Variants in GNAQ observed in about 807,000 individuals in gnomAD.
GNAQ encodes guanine nucleotide-binding protein G(q) subunit alpha.
Under a neutral mutation model 43.9 loss-of-function variants are expected in GNAQ, and 8 were observed. The observed-to-expected ratio is 0.18, with a 90% CI of 0.11 to 0.33. The LOEUF is 0.33. GNAQ is among the 10% of genes least tolerant of loss of function. GNAQ has a pLI of 1.00. For missense variants in GNAQ, 158 were observed against 450.8 expected (o/e 0.35, Z 5.88); for synonymous variants, 155 against 170.7 (o/e 0.91, Z 0.71).
At chr9:77,926,990 C>T (rs1381807705) in intron 1 of GNAQ, among the ~76,000 whole-genome samples, 1 of 152,168 alleles carries the variant, frequency 6.6e-6, no homozygotes, top group Non-Finnish European at 1.5e-5. Flanking sequence ...TCCATCAGAA[C>T]AAACATCAAA....
chr9:77,858,954 G>GTC (rs1827801146), intron 2 of GNAQ, among the ~76,000 whole-genome samples: 1 of 151,928 alleles, frequency 6.6e-6, no homozygotes, highest in African/African-American at 2.4e-5. Context: ...TTCCATTCGT[G>GTC]TCTTTCCATC....
intron 2 of GNAQ, among the ~76,000 whole-genome samples, chr9:77,835,729 G>A (rs1429927760): frequency 6.6e-6 from 1 of 152,144 alleles, no homozygotes; most frequent in Middle Eastern, 3.2e-3. Context: ...GGCATAGGAG[G>A]ACTGATAAAT....
At chr9:77,837,096 A>T (rs1827400820) in intron 2 of GNAQ, among the ~76,000 whole-genome samples, 1 of 152,164 alleles carries the variant, frequency 6.6e-6, no homozygotes, top group African/African-American at 2.4e-5. Flanking sequence ...GGGTCTCCTG[A>T]ATTTCTTTCT....
chr9:77,807,027 G>A (rs1826840127), intron 3 of GNAQ, among the ~76,000 whole-genome samples: 1 of 152,176 alleles, frequency 6.6e-6, no homozygotes, highest in Admixed American at 6.5e-5. Context: ...TTGCTTCTGT[G>A]AGATTAGAAC....
At chr9:77,841,295 T>C (rs1827486429) in intron 2 of GNAQ, among the ~76,000 whole-genome samples, 1 of 152,180 alleles carries the variant, frequency 6.6e-6, no homozygotes, top group Admixed American at 6.5e-5. Context: ...AAAATAGACA[T>C]TGGAAGCATT....
At chr9:77,888,629 T>C (rs1828348679) in intron 2 of GNAQ, among the ~76,000 whole-genome samples, 1 of 152,184 alleles carries the variant, frequency 6.6e-6, no homozygotes, top group South Asian at 2.1e-4. Context: ...TCTGCTTGCC[T>C]TAAAAAAAGT....
chr9:77,890,222 C>T (rs1205264487), intron 2 of GNAQ, among the ~76,000 whole-genome samples: 1 of 152,188 alleles, frequency 6.6e-6, no homozygotes, highest in Non-Finnish European at 1.5e-5. Flanking sequence ...GCATACCATA[C>T]TCCTAGAATC....
chr9:77,742,976 G>A (rs930901707), intron 5 of GNAQ, among the ~76,000 whole-genome samples: 1 of 152,146 alleles, frequency 6.6e-6, no homozygotes, highest in African/African-American at 2.4e-5. Context: ...AGATCAGCAG[G>A]AGGCTGGGCG....
chr9:77,913,709 G>C (rs541240057), intron 2 of GNAQ, among the ~76,000 whole-genome samples: 39 of 152,190 alleles, frequency 2.6e-4, no homozygotes, highest in African/African-American at 8.9e-4. Context: ...ACTAATCTAC[G>C]TTACCAGAAG....
intron 2 of GNAQ, among the ~76,000 whole-genome samples, chr9:77,829,584 G>T (rs1457018478): frequency 6.6e-6 from 1 of 152,118 alleles, no homozygotes; most frequent in Non-Finnish European, 1.5e-5. Context: ...AGCTCCTCTC[G>T]ACACAGCTGC....
intron 5 of GNAQ, among the ~76,000 whole-genome samples, chr9:77,729,561 T>C (rs906295366): frequency 1.3e-5 from 2 of 152,140 alleles, no homozygotes; most frequent in Non-Finnish European, 2.9e-5. Context: ...TCGTCTCTCC[T>C]TACCATTCTT....
chr9:77,985,858 G>A (rs1328203491), intron 1 of GNAQ, among the ~76,000 whole-genome samples: 1 of 152,160 alleles, frequency 6.6e-6, no homozygotes, highest in Non-Finnish European at 1.5e-5. Context: ...AAAGTGCTGG[G>A]ATTACAGGCA....
chr9:77,960,840 C>G (rs1823099032), intron 1 of GNAQ, among the ~76,000 whole-genome samples: 1 of 152,094 alleles, frequency 6.6e-6, no homozygotes. Flanking sequence ...AGTTTACATC[C>G]TTTCCTGTAT....
At chr9:77,746,137 A>G (rs923302875) in intron 5 of GNAQ, among the ~76,000 whole-genome samples, 1 of 152,210 alleles carries the variant, frequency 6.6e-6, no homozygotes, top group Non-Finnish European at 1.5e-5. Flanking sequence ...CCCAGCCAAA[A>G]TATCAATTAA....
At chr9:77,751,568 T>C (rs1456903305) in intron 5 of GNAQ, among the ~76,000 whole-genome samples, 5 of 152,068 alleles carry the variant, frequency 3.3e-5, no homozygotes, top group South Asian at 2.1e-4. Context: ...AATTTTATAA[T>C]GGGGTGGGTA....
Position 78,031,253 on chromosome 9 carries a change from G to T in GNAQ, c.-18C>A. The T allele has an allele frequency of 6.8e-7, 1 of 1,478,384 alleles. No homozygotes were observed. The highest frequency in any genetic ancestry group is 9.1e-7 in the Non-Finnish European group (1 of 1,102,888). The allele number at this position is 1,478,384 out of a possible 1,614,324, so 91.6% of individuals were successfully genotyped here. A position where few individuals can be genotyped will look rare whatever the true frequency, so the allele number is the denominator to read the frequency against. On this transcript the variant is annotated 5_prime_UTR_variant, in exon 1 of 7. Coordinates refer to ENST00000286548, the MANE Select transcript of GNAQ (RefSeq NM_002072.5). ...AGAGTCATTCTTCCAAAGTGCCTCC[G>T]CTGCAGCCCCGCCGGCACCCCCTGC...
At chr9:77,760,804 G>A (rs1048535669) in intron 5 of GNAQ, among the ~76,000 whole-genome samples, 1 of 151,596 alleles carries the variant, frequency 6.6e-6, no homozygotes, top group African/African-American at 2.4e-5. Flanking sequence ...GAAGTGAGGA[G>A]CGTCTCTGCC....
At chr9:77,921,111 G>A (rs1423971645) in intron 2 of GNAQ, among the ~76,000 whole-genome samples, 1 of 152,178 alleles carries the variant, frequency 6.6e-6, no homozygotes, top group African/African-American at 2.4e-5. Flanking sequence ...AGGTATAAAT[G>A]CAGTGTTTTA....
At chr9:77,733,233 T>G (rs926342543) in intron 5 of GNAQ, among the ~76,000 whole-genome samples, 4 of 152,210 alleles carry the variant, frequency 2.6e-5, no homozygotes, top group African/African-American at 9.6e-5. Context: ...AAAGCCCTGT[T>G]TGAGCCATCA....
Sources: gnomAD v4.1 joint callset for allele counts (sites outside exome capture counted in the v4.1 genomes callset) on GRCh38, gnomAD v4.1.1 for gene constraint, MANE v1.5 for transcripts, NCBI Gene and HGNC (gene_info 2026-07-23, HGNC 2026-07-21) for gene names.